Variants in RGMA observed in about 807,000 individuals in gnomAD.
RGMA encodes repulsive guidance molecule BMP co-receptor a.
In RGMA, 10 loss-of-function variants were observed where a neutral mutation model predicts 23.2. That is an observed-to-expected ratio of 0.43 (90% CI 0.27 to 0.73). The LOEUF is 0.73. Ranked by LOEUF, RGMA falls within the 30% of genes least tolerant of loss-of-function variation. RGMA has a pLI of 0.20. For missense variants in RGMA, 547 were observed against 630.5 expected, an observed-to-expected ratio of 0.87 and a Z score of 1.42; for synonymous variants, 308 against 279.3, an observed-to-expected ratio of 1.10 and a Z score of -1.03.
At chr15:93,079,147 C>T (rs1022947682) in intron 1 of RGMA, among the ~76,000 whole-genome samples, 1 of 152,254 alleles carries the variant, frequency 6.6e-6, no homozygotes, top group Non-Finnish European at 1.5e-5. Flanking sequence ...GATGCACCCA[C>T]GTTCCTGGGG....
At position 93,042,357 on chromosome 15, in the gene RGMA, C is replaced by CT. The variant is rs35357665; in HGVS notation, c.*2640dup. ...TCTTGCTTTGGGATAATACCACCCC[C>CT]TCCCTCCCCACGACCAGACAAGCCA... On this transcript the variant is annotated 3_prime_UTR_variant, in exon 4 of 4. Coordinates refer to ENST00000329082, the MANE Select transcript of RGMA (RefSeq NM_020211.3). 65,255 of 151,958 alleles carry CT rather than the reference C, an allele frequency of 0.43. 15,728 individuals are homozygous for CT. The highest frequency in any genetic ancestry group is 0.56 in the Non-Finnish European group (37,993 of 67,980). The allele number at this position is 151,958 out of a possible 1,614,324, so 9.4% of individuals were successfully genotyped here.
chr15:93,052,928 A>T (rs1214630008), intron 2 of RGMA, among the ~76,000 whole-genome samples: 1 of 152,252 alleles, frequency 6.6e-6, no homozygotes, highest in Non-Finnish European at 1.5e-5. Flanking sequence ...ATGTGTCCCC[A>T]GTCCTGGCAT....
chr15:93,045,729 G>C lies in RGMA; in HGVS notation c.646-24C>G. The C allele has an allele frequency of 6.4e-7, 1 of 1,558,742 alleles. No individual in the cohort carries two copies. Among genetic ancestry groups the C allele is most frequent in the Non-Finnish European group, 8.7e-7 (1 of 1,143,230 alleles). ...AGCTGCCGGGGAAAGGGGCAGAGGA[G>C]AGTGGGTGAGGCACAGTGGGAGGAG... On this transcript the variant is annotated intron_variant, in intron 3 of 3. Transcript: ENST00000329082. This position sits in a 1 kb window ranked among gnomAD's most constrained non-coding sequence, Gnocchi z 6.9.
Position 93,045,496 on chromosome 15 carries a change from C to A in RGMA, c.855G>T (p.Gln285His). The A allele has an allele frequency of 6.2e-7, 1 of 1,613,318 alleles. No individual in the cohort carries two copies. Among genetic ancestry groups the A allele is most frequent in the South Asian group, 1.1e-5 (1 of 91,078 alleles). ...KYIGTTIVVRQVGRYLTFAVR... is the reference protein window; with the variant it reads ...KYIGTTIVVRHVGRYLTFAVR... ...CGGCAAAGGTCAGGTAGCGGCCCAC[C>A]TGGCGCACCACGATGGTGGTGCCGA... Residue 285 changes from glutamine to histidine, a missense_variant, in exon 4 of 4, where the codon CAG becomes CAT. By Grantham distance (24) the Gln-to-His change is conservative (BLOSUM62 0). This residue lies in a region of RGMA where 128 missense variants were observed against 191.7 expected (regional missense o/e 0.67). Transcript: ENST00000329082. This position sits in a 1 kb window ranked among gnomAD's most constrained non-coding sequence, Gnocchi z 6.9.
At chr15:93,077,693 G>C (rs914549015) in intron 1 of RGMA, among the ~76,000 whole-genome samples, 13 of 152,222 alleles carry the variant, frequency 8.5e-5, no homozygotes, top group African/African-American at 3.1e-4. Flanking sequence ...TAGTAGTTGA[G>C]GCAGCATTTG....
chr15:93,084,769 G>A (rs1895611884), intron 1 of RGMA, among the ~76,000 whole-genome samples: 1 of 152,190 alleles, frequency 6.6e-6, no homozygotes, highest in Non-Finnish European at 1.5e-5. Flanking sequence ...CACCGTGCCT[G>A]GCTATCTCAG....
intron 2 of RGMA, 71 bp downstream of exon 2, chr15:93,072,845 C>A (rs973100121): frequency 6.6e-7 from 1 of 1,522,074 alleles, no homozygotes. Flanking sequence ...GACTCACTCG[C>A]GCACATCTGG....
chr15:93,068,824 A>T (rs1450306834), intron 2 of RGMA, among the ~76,000 whole-genome samples: 1 of 152,218 alleles, frequency 6.6e-6, no homozygotes, highest in African/African-American at 2.4e-5. Context: ...GAATGGGATT[A>T]GTGCTCTTAT....
Position 93,086,428 on chromosome 15 carries a change from G to A in RGMA, c.14+2491C>T, listed in dbSNP as rs1179352301. On this transcript the variant is annotated intron_variant, in intron 1 of 3. Transcript: ENST00000329082. ...GATCGGTGACCGTGCCTTCTTTCAT[G>A]TCTATACTGCATGCTTCAAGGCAGG... 2.0e-5 allele frequency among the ~76,000 whole-genome samples: 3 copies of A among 152,202 alleles called. No individual in the cohort carries two copies. In the East Asian group the frequency reaches 5.8e-4, roughly 29 times the overall value.
At chr15:93,054,780 C>T (rs1174709210) in intron 2 of RGMA, among the ~76,000 whole-genome samples, 2 of 152,220 alleles carry the variant, frequency 1.3e-5, no homozygotes, top group African/African-American at 4.8e-5. Flanking sequence ...CTTCCTCCTA[C>T]ACAGGTGTGC....
intron 1 of RGMA, 87 bp downstream of exon 1, chr15:93,088,832 C>G: frequency 7.8e-7 from 1 of 1,278,314 alleles, no homozygotes; most frequent in Non-Finnish European, 1.1e-6. Flanking sequence ...CTAAGGAAGA[C>G]CAAAGCAGCG....
chr15:93,077,686 T>C (rs1895494516), intron 1 of RGMA, among the ~76,000 whole-genome samples: 1 of 152,190 alleles, frequency 6.6e-6, no homozygotes, highest in Admixed American at 6.5e-5. Flanking sequence ...TGAGTGTTAG[T>C]AGTTGAGGCA....
chr15:93,073,490 C>A (rs1469984903), intron 1 of RGMA: 3 of 1,230,258 alleles, frequency 2.4e-6, no homozygotes, highest in Non-Finnish European at 1.1e-6. Flanking sequence ...CGGGGCAGGA[C>A]GCCCCCTTAA....
chr15:93,079,877 G>A (rs1279329191), intron 1 of RGMA, among the ~76,000 whole-genome samples: 1 of 152,138 alleles, frequency 6.6e-6, no homozygotes, highest in African/African-American at 2.4e-5. Flanking sequence ...GAGGTACAGG[G>A]TGCATGCCTG....
intron 1 of RGMA, among the ~76,000 whole-genome samples, chr15:93,082,751 G>A (rs547589395): frequency 1.3e-5 from 2 of 152,372 alleles, no homozygotes; most frequent in African/African-American, 4.8e-5. Flanking sequence ...CAAAGAAATT[G>A]AAATAATTAG....
At chr15:93,065,260 A>G (rs1895104369) in intron 2 of RGMA, among the ~76,000 whole-genome samples, 1 of 151,922 alleles carries the variant, frequency 6.6e-6, no homozygotes, top group Admixed American at 6.6e-5. Context: ...CCGGGAGAAA[A>G]CAAAAATAAA....
At chr15:93,080,469 GAC>G (rs1341672160) in intron 1 of RGMA, among the ~76,000 whole-genome samples, 1 of 152,180 alleles carries the variant, frequency 6.6e-6, no homozygotes, top group African/African-American at 2.4e-5. Context: ...CAGGCTTGGT[GAC>G]AGAGTGAGGT....
intron 2 of RGMA, among the ~76,000 whole-genome samples, chr15:93,058,788 C>T (rs574894604): frequency 1.5e-4 from 23 of 152,180 alleles, no homozygotes; most frequent in South Asian, 4.2e-4. Flanking sequence ...CGCTCCATAC[C>T]GGGCAACACG....
Position 93,051,638 on chromosome 15 carries a change from C to T in RGMA, c.645+355G>A, listed in dbSNP as rs144133339. Among the ~76,000 whole-genome samples, 22 of 152,326 alleles carry T rather than the reference C, an allele frequency of 1.4e-4. No homozygotes were observed. The East Asian group carries it at 3.7e-3, about 25-fold the overall frequency. On this transcript the variant is annotated intron_variant, in intron 3 of 3. Transcript: ENST00000329082. The stretch of plus-strand genomic sequence containing the variant: ...GAAAACCAGCAGCCCGCAGTGGCCT[C>T]GTGGGGCCGCTCAGAATATGCCAGG...
Sources: gnomAD v4.1 joint callset for allele counts (sites outside exome capture counted in the v4.1 genomes callset) on GRCh38, gnomAD v4.1.1 for gene constraint, gnomAD v4.1.1 regional missense constraint, Gnocchi (gnomAD v3.1) non-coding constraint, MANE v1.5 for transcripts, NCBI Gene and HGNC (gene_info 2026-07-23, HGNC 2026-07-21) for gene names.